SGCZ: variants seen among roughly 807,000 people sequenced by gnomAD.
SGCZ encodes the protein sarcoglycan zeta.
SGCZ carries 40 observed loss-of-function variants against 41.3 expected under a neutral mutation model. That is an observed-to-expected ratio of 0.97 (90% CI 0.75 to 1.26). The LOEUF is 1.26. Among genes scored for constraint, SGCZ ranks in the 50% most tolerant of loss-of-function variants. The probability of loss-of-function intolerance (pLI) is 0.00; values close to 1 mark genes in which losing one functional copy is unlikely to be tolerated. For missense variants in SGCZ, 552 were observed against 369.8 expected, an observed-to-expected ratio of 1.49 and a Z score of -4.04; for synonymous variants, 206 against 137.5, an observed-to-expected ratio of 1.50 and a Z score of -3.49.
At chr8:15,061,176 T>C (rs1401213329) in intron 1 of SGCZ, among the ~76,000 whole-genome samples, 2 of 138,780 alleles carry the variant, frequency 1.4e-5, no homozygotes, top group East Asian at 3.9e-4. Flanking sequence ...AGTGTGATAG[T>C]ATTAAGAGGG....
At chr8:14,551,530 TATAATA>T (rs1563404558) in intron 2 of SGCZ, among the ~76,000 whole-genome samples, 73 of 4,004 alleles carry the variant, frequency 0.018, 4 homozygotes, top group Admixed American at 0.04. Context: ...ATATAATATA[TATAATA>T]TATATAATAT....
chr8:14,125,603 AT>A (rs1802829555), intron 5 of SGCZ, among the ~76,000 whole-genome samples: 1 of 152,330 alleles, frequency 6.6e-6, no homozygotes, highest in African/African-American at 2.4e-5. Flanking sequence ...TACAATGGAC[AT>A]TCTTCATAGA....
intron 2 of SGCZ, among the ~76,000 whole-genome samples, chr8:14,470,725 G>A (rs552170775): frequency 6.6e-6 from 1 of 152,042 alleles, no homozygotes; most frequent in African/African-American, 2.4e-5. Flanking sequence ...AATACATAAA[G>A]GTATGTATAA....
At chr8:14,774,682 G>C (rs1404660476) in intron 1 of SGCZ, among the ~76,000 whole-genome samples, 2 of 152,182 alleles carry the variant, frequency 1.3e-5, no homozygotes, top group Non-Finnish European at 2.9e-5. Flanking sequence ...CTTTGACTTT[G>C]CTCAAAGTAT....
At chr8:14,733,013 C>T (rs1208010504) in intron 1 of SGCZ, among the ~76,000 whole-genome samples, 1 of 152,118 alleles carries the variant, frequency 6.6e-6, no homozygotes, top group Non-Finnish European at 1.5e-5. Context: ...GCGTTTTCAT[C>T]TGGAACTGTG....
chr8:14,441,594 T>C (rs1173201526), intron 2 of SGCZ, among the ~76,000 whole-genome samples: 4 of 152,018 alleles, frequency 2.6e-5, no homozygotes, highest in Admixed American at 2.6e-4. Flanking sequence ...CAAAATAAAA[T>C]AAAAGATAAA....
chr8:14,130,678 T>C (rs956115834), intron 5 of SGCZ, among the ~76,000 whole-genome samples: 3 of 152,172 alleles, frequency 2.0e-5, no homozygotes, highest in Non-Finnish European at 4.4e-5. Context: ...TCATTTATTT[T>C]CTAACGAAAA....
intron 1 of SGCZ, among the ~76,000 whole-genome samples, chr8:14,598,215 G>T (rs533855371): frequency 6.6e-6 from 1 of 151,890 alleles, no homozygotes; most frequent in East Asian, 1.9e-4. Context: ...TTCAAGTGGG[G>T]CATTTTTTTT....
At chr8:14,597,632 C>T (rs1805455497) in intron 1 of SGCZ, among the ~76,000 whole-genome samples, 2 of 152,140 alleles carry the variant, frequency 1.3e-5, no homozygotes, top group South Asian at 2.1e-4. Context: ...CATGTGCCAC[C>T]ATGCCCGGCT....
chr8:14,812,351 T>A (rs1407935077), intron 1 of SGCZ, among the ~76,000 whole-genome samples: 1 of 152,066 alleles, frequency 6.6e-6, no homozygotes, highest in Non-Finnish European at 1.5e-5. Context: ...TGGCAATAAA[T>A]TTAATATTCA....
At chr8:14,463,862 G>C (rs763139268) in intron 2 of SGCZ, among the ~76,000 whole-genome samples, 9 of 150,892 alleles carry the variant, frequency 6.0e-5, no homozygotes, top group Non-Finnish European at 1.3e-4. Context: ...GTTTGTTTCT[G>C]CATCAGTTGA....
chr8:15,020,040 A>G (rs1751716177), intron 1 of SGCZ, among the ~76,000 whole-genome samples: 2 of 151,876 alleles, frequency 1.3e-5, no homozygotes, highest in Non-Finnish European at 2.9e-5. Context: ...CATTTAGCGC[A>G]CGAACCAAAA....
intron 1 of SGCZ, among the ~76,000 whole-genome samples, chr8:14,784,770 C>T (rs563192686): frequency 2.0e-5 from 3 of 150,330 alleles, no homozygotes; most frequent in East Asian, 2.0e-4. Flanking sequence ...GGCATGGTGG[C>T]GTATGCCTGT....
At chr8:15,091,911 C>G (rs1806166564) in intron 1 of SGCZ, among the ~76,000 whole-genome samples, 1 of 152,014 alleles carries the variant, frequency 6.6e-6, no homozygotes, top group South Asian at 2.1e-4. Context: ...CACCATTATG[C>G]CTAGTTAATT....
intron 1 of SGCZ, among the ~76,000 whole-genome samples, chr8:14,798,189 C>T (rs906250044): frequency 6.6e-6 from 1 of 152,094 alleles, no homozygotes; most frequent in Non-Finnish European, 1.5e-5. Flanking sequence ...GTACAGAAAT[C>T]GTTTTAAAAA....
chr8:14,782,636 G>C (rs758101574), intron 1 of SGCZ, among the ~76,000 whole-genome samples: 8 of 150,488 alleles, frequency 5.3e-5, no homozygotes, highest in African/African-American at 7.3e-5. Flanking sequence ...TTGTGACTCA[G>C]ATTGAGGGAA....
intron 1 of SGCZ, among the ~76,000 whole-genome samples, chr8:15,178,895 T>C (rs1322364188): frequency 1.3e-5 from 2 of 152,214 alleles, no homozygotes; most frequent in Non-Finnish European, 1.5e-5. Flanking sequence ...TGCTACTTAT[T>C]TTCAATCAAG....
Position 14,892,312 on chromosome 8 carries a change from G to C in SGCZ, c.40-337386C>G, listed in dbSNP as rs192133576. Among the ~76,000 whole-genome samples the C allele has an allele frequency of 2.9e-3, 437 of 152,182 alleles. 3 individuals carry two copies. The highest frequency in any genetic ancestry group is 0.027 in the Middle Eastern group (8 of 294). On this transcript the variant is annotated intron_variant, in intron 1 of 7. Transcript: ENST00000382080. The stretch of plus-strand genomic sequence containing the variant: ...TATCGCAACATACCTCATTCCACCT[G>C]CTGATATTCCTGTCACTCAAAAGCG...
At chr8:15,104,288 G>C (rs1459676072) in intron 1 of SGCZ, among the ~76,000 whole-genome samples, 3 of 152,236 alleles carry the variant, frequency 2.0e-5, no homozygotes, top group Non-Finnish European at 4.4e-5. Context: ...TTATACAGGA[G>C]ACAATTGAGG....
Sources: gnomAD v4.1 joint callset for allele counts (sites outside exome capture counted in the v4.1 genomes callset) on GRCh38, gnomAD v4.1.1 for gene constraint, MANE v1.5 for transcripts, NCBI Gene and HGNC (gene_info 2026-07-23, HGNC 2026-07-21) for gene names.